The following PPP1R37 variants were observed in gnomAD, a reference collection of about 807,000 sequenced individuals.
PPP1R37 encodes the protein leucine rich repeat containing 68.
In PPP1R37, 21 loss-of-function variants were observed where a neutral mutation model predicts 61.0. The observed-to-expected ratio is 0.34, with a 90% confidence interval of 0.24 to 0.50. PPP1R37 has a LOEUF of 0.50. PPP1R37 is among the 20% of genes least tolerant of loss of function. PPP1R37 has a pLI of 0.98. For synonymous variants in PPP1R37, 443 were observed against 433.5 expected, an observed-to-expected ratio of 1.02 and a Z score of -0.27; for missense variants, 910 against 952.7, an observed-to-expected ratio of 0.96 and a Z score of 0.59.
chr19:45,116,873 A>C (rs1968274401), intron 1 of PPP1R37, among the ~76,000 whole-genome samples: 1 of 150,522 alleles, frequency 6.6e-6, no homozygotes, highest in Admixed American at 6.6e-5. Context: ...GGGTGCTGCT[A>C]CAGAAAGGGG....
chr19:45,138,617 G>A lies in PPP1R37; in HGVS notation c.300+6G>A. The A allele has an allele frequency of 1.3e-6, 2 of 1,496,672 alleles. No individual in the cohort carries two copies. The highest frequency in any genetic ancestry group is 1.8e-6 in the Non-Finnish European group (2 of 1,111,380). 92.7% of individuals were successfully genotyped at this position (1,496,672 alleles called of 1,614,324 possible). On this transcript the variant is annotated splice_donor_region_variant and intron_variant, in intron 2 of 12. Transcript: ENST00000221462. ...AGCTCCTCAGGCAGCTGCAGGTATG[G>A]GCGGGACAGGGTGGGTGCGTCCGGT...
chr19:45,099,175 C>G (rs1225345916), intron 1 of PPP1R37, among the ~76,000 whole-genome samples: 2 of 152,180 alleles, frequency 1.3e-5, no homozygotes, highest in Admixed American at 1.3e-4. Flanking sequence ...ATTTGTACTC[C>G]TCTTTCCCCT....
chr19:45,116,220 C>T (rs903790108), intron 1 of PPP1R37, among the ~76,000 whole-genome samples: 3 of 152,248 alleles, frequency 2.0e-5, no homozygotes, highest in Admixed American at 6.5e-5. Flanking sequence ...GTTTCTGTAA[C>T]AGGATCTTCA....
intron 1 of PPP1R37, among the ~76,000 whole-genome samples, chr19:45,099,861 T>G (rs1036451126): frequency 6.6e-6 from 1 of 152,210 alleles, no homozygotes; most frequent in African/African-American, 2.4e-5. Context: ...CGAGGACTCT[T>G]TCTCAGGGAC....
chr19:45,146,345 T>A, intron 11 of PPP1R37, 45 bp from the exon 12 acceptor site: 1 of 1,508,264 alleles, frequency 6.6e-7, no homozygotes, highest in African/African-American at 1.4e-5. Flanking sequence ...AGGTTGTATT[T>A]GCCCCACCCG....
At chr19:45,097,451 G>C (rs1023826722) in intron 1 of PPP1R37, among the ~76,000 whole-genome samples, 7 of 151,894 alleles carry the variant, frequency 4.6e-5, no homozygotes, top group Non-Finnish European at 1.0e-4. Flanking sequence ...CCCAGTGCAG[G>C]GGTCTCCTTC....
In PPP1R37 at chr19:45,093,240, G is replaced by T. The variant is rs1256030794; in HGVS notation, c.-86G>T. ...CGCCTGAAGCGGCGGCGGAGCCCAT[G>T]CCCCGGGACGGCGGGCGGACCCGGA... On this transcript the variant is annotated 5_prime_UTR_variant, in exon 1 of 13. The change abolishes an upstream ATG in the 5' untranslated region. Transcript: ENST00000221462. 2 of 1,108,248 alleles carry T rather than the reference G, an allele frequency of 1.8e-6. No individual in the cohort carries two copies. Among genetic ancestry groups the T allele is most frequent in the East Asian group, 3.2e-5 (1 of 30,860 alleles). The allele number at this position is 1,108,248 out of a possible 1,614,324, so 68.7% of individuals were successfully genotyped here.
chr19:45,117,072 C>T (rs1174242544), intron 1 of PPP1R37, among the ~76,000 whole-genome samples: 2 of 151,912 alleles, frequency 1.3e-5, no homozygotes, highest in African/African-American at 2.4e-5. Flanking sequence ...GTCACCACAC[C>T]CGGCTAATTT....
At chr19:45,115,007 C>G (rs527431273) in intron 1 of PPP1R37, among the ~76,000 whole-genome samples, 2 of 152,246 alleles carry the variant, frequency 1.3e-5, no homozygotes, top group Admixed American at 6.5e-5. Context: ...TGTTATTAGT[C>G]TCCACCACAG....
At chr19:45,120,014 CTTTT>C (rs11312138) in intron 1 of PPP1R37, among the ~76,000 whole-genome samples, 9 of 83,600 alleles carry the variant, frequency 1.1e-4, no homozygotes, top group Non-Finnish European at 1.7e-4. Flanking sequence ...TTTTCCCCTT[CTTTT>C]TTTTTTTTTT....
intron 2 of PPP1R37, among the ~76,000 whole-genome samples, chr19:45,139,368 C>T (rs1367131626): frequency 6.6e-6 from 1 of 152,280 alleles, no homozygotes; most frequent in Admixed American, 6.5e-5. Flanking sequence ...TCGGCATTTC[C>T]TGGCCTTTTC....
chr19:45,132,651 C>T (rs1198270064), intron 1 of PPP1R37, among the ~76,000 whole-genome samples: 2 of 152,124 alleles, frequency 1.3e-5, no homozygotes, highest in Non-Finnish European at 2.9e-5. Context: ...CTAGGCTGGT[C>T]TCGAACTCCT....
chr19:45,112,657 G>A lies in PPP1R37; in HGVS notation c.202+19130G>A, dbSNP rs145957340. 9.2e-5 allele frequency among the ~76,000 whole-genome samples: 14 copies of A among 152,308 alleles called. 1 individual carries two copies. The East Asian group carries it at 2.3e-3, about 25-fold the overall frequency. ...AGGACGCCCCCAACCCCAAGTCTGG[G>A]TTAGGGGTTTCCTTTGCCCCAGCTC... is the stretch of plus-strand genomic sequence containing the variant. On this transcript the variant is annotated intron_variant, in intron 1 of 12. Coordinates refer to ENST00000221462, the MANE Select transcript of PPP1R37 (RefSeq NM_019121.2).
intron 1 of PPP1R37, 22 bp from the exon 2 acceptor site, chr19:45,138,492 C>T: frequency 6.6e-7 from 1 of 1,524,804 alleles, no homozygotes; most frequent in Non-Finnish European, 8.8e-7. Context: ...CAGTCACAGG[C>T]CTGGGTCCCC....
In PPP1R37 at chr19:45,140,106, C is replaced by T. The variant is rs189249884; in HGVS notation, c.301-130C>T. 8.8e-4 allele frequency: 656 copies of T among 747,416 alleles called. 3 individuals carry two copies. The African/African-American group carries it at 0.01, about 12-fold the overall frequency. The allele number at this position is 747,416 out of a possible 1,614,324, so 46.3% of individuals were successfully genotyped here. A position where few individuals can be genotyped will look rare whatever the true frequency, so the allele number is the denominator to read the frequency against. ...TCCAGCTGGTGGGTGGCCTCTGAGC[C>T]TCTGTTCAGTGCCTTCGCCCAAACC... On this transcript the variant is annotated intron_variant, in intron 2 of 12. Transcript: ENST00000221462.
At chr19:45,141,881 C>T (rs1024307776) in intron 5 of PPP1R37, among the ~76,000 whole-genome samples, 180 bp from the exon 6 acceptor site, 3 of 152,244 alleles carry the variant, frequency 2.0e-5, no homozygotes, top group African/African-American at 7.2e-5. Context: ...CCCTCCCCAG[C>T]CACAGTTACC....
intron 4 of PPP1R37, 63 bp from the exon 5 acceptor site, chr19:45,141,259 G>A: frequency 6.8e-7 from 1 of 1,473,488 alleles, no homozygotes; most frequent in Non-Finnish European, 9.0e-7. Context: ...CGGTGTCAGG[G>A]CCCACGCCTC....
intron 1 of PPP1R37, among the ~76,000 whole-genome samples, chr19:45,120,126 T>C (rs1329634475): frequency 6.8e-6 from 1 of 147,654 alleles, no homozygotes; most frequent in African/African-American, 2.5e-5. Context: ...CACGCCATTC[T>C]CCTGCCTCAG....
intron 1 of PPP1R37, among the ~76,000 whole-genome samples, chr19:45,122,732 C>T (rs1347339103): frequency 1.3e-5 from 2 of 152,034 alleles, no homozygotes; most frequent in African/African-American, 2.4e-5. Flanking sequence ...GACCCTGAGG[C>T]ACTGTGTCCA....
Sources: gnomAD v4.1 joint callset for allele counts (sites outside exome capture counted in the v4.1 genomes callset) on GRCh38, gnomAD v4.1.1 for gene constraint, MANE v1.5 for transcripts, NCBI Gene and HGNC (gene_info 2026-07-23, HGNC 2026-07-21) for gene names.